Variants in ASCC2 observed in about 807,000 individuals in gnomAD.
ASCC2 encodes the protein ASC-1 complex subunit P100.
A neutral mutation model predicts 93.5 loss-of-function variants in ASCC2; 42 were observed. The ratio of observed to expected loss-of-function variants is 0.45; its 90% CI spans 0.35 to 0.58. The LOEUF (loss-of-function observed/expected upper bound fraction) is 0.58. ASCC2 is among the 20% of genes least tolerant of loss of function. The pLI is 0.00. For synonymous variants in ASCC2, 364 were observed against 384.2 expected (o/e 0.95, Z 0.62); for missense variants, 859 against 977.6 (o/e 0.88, Z 1.62).
At chr22:29,827,178 T>G (rs1488013340) in intron 2 of ASCC2, among the ~76,000 whole-genome samples, 1 of 152,054 alleles carries the variant, frequency 6.6e-6, no homozygotes, top group African/African-American at 2.4e-5. Flanking sequence ...TGTTTTTTAT[T>G]TTTTTGTAAG....
At chr22:29,814,633 G>C in intron 7 of ASCC2, 24 bp downstream of exon 7, 1 of 1,566,316 alleles carries the variant, frequency 6.4e-7, no homozygotes, top group Non-Finnish European at 8.7e-7. Flanking sequence ...GCAGGAAAGA[G>C]ACTGGGCCGA....
chr22:29,795,268 G>T (rs578108861), intron 15 of ASCC2, among the ~76,000 whole-genome samples: 28 of 152,064 alleles, frequency 1.8e-4, no homozygotes, highest in Middle Eastern at 3.4e-3. Context: ...TCACTATATT[G>T]CCCAGGCTGG....
At chr22:29,819,618 C>T (rs1010934445) in intron 5 of ASCC2, among the ~76,000 whole-genome samples, 7 of 152,218 alleles carry the variant, frequency 4.6e-5, no homozygotes, top group Admixed American at 3.3e-4. Flanking sequence ...TTAGGCAGTT[C>T]GATTTCAAAG....
chr22:29,795,308 T>C (rs2058296675), intron 15 of ASCC2, among the ~76,000 whole-genome samples: 1 of 152,176 alleles, frequency 6.6e-6, no homozygotes, highest in South Asian at 2.1e-4. Context: ...AGTGATCCTC[T>C]GCTTCAGCCT....
Position 29,789,002 on chromosome 22 carries a change from T to G in ASCC2, c.*11A>C. ...GGTGCCGCTGCCTCCCCACTGGCCC[T>G]GCACCAGGTCTCAGGATGGGATCAT... On this transcript the variant is annotated 3_prime_UTR_variant, in exon 20 of 20. Coordinates refer to ENST00000307790, the MANE Select transcript of ASCC2 (RefSeq NM_032204.5). 8 of 1,614,124 alleles carry G rather than the reference T, an allele frequency of 5.0e-6. No individual in the cohort carries two copies. Among genetic ancestry groups the G allele is most frequent in the Non-Finnish European group, 6.8e-6 (8 of 1,179,966 alleles).
At position 29,825,322 on chromosome 22, in the gene ASCC2, T is replaced by C. The variant is rs1344462218; in HGVS notation, c.241-65A>G. 1.3e-6 allele frequency: 2 copies of C among 1,482,600 alleles called. No individual in the cohort carries two copies. The highest frequency in any genetic ancestry group is 1.8e-6 in the Non-Finnish European group (2 of 1,106,234). 91.8% of individuals were successfully genotyped at this position (1,482,600 alleles called of 1,614,324 possible). A position where few individuals can be genotyped will look rare whatever the true frequency, so the allele number is the denominator to read the frequency against. On this transcript the variant is annotated intron_variant, in intron 3 of 19. Coordinates refer to ENST00000307790, the MANE Select transcript of ASCC2 (RefSeq NM_032204.5). The surrounding 1 kb of genome is among the most constrained non-coding windows in gnomAD (Gnocchi z 4.9). Reference sequence around the variant, plus strand: ...AGGCCCCAGGGGCTTGTGGGTGGACTGTGCAGGGACTCAATGCCCATCAGC... The same window carrying C: ...AGGCCCCAGGGGCTTGTGGGTGGACCGTGCAGGGACTCAATGCCCATCAGC...
At position 29,800,975 on chromosome 22, in the gene ASCC2, G is replaced by C; in HGVS notation, c.1688+16C>G. ...CAGAGTTGGGGTATCGGAACCCCATGGCCCACTGCACTCACCTCTTGCCCT... is the reference window on the plus strand; with the variant it reads ...CAGAGTTGGGGTATCGGAACCCCATCGCCCACTGCACTCACCTCTTGCCCT... On this transcript the variant is annotated intron_variant, in intron 15 of 19. Coordinates refer to ENST00000307790, the MANE Select transcript of ASCC2 (RefSeq NM_032204.5). The C allele has an allele frequency of 6.4e-7, 1 of 1,569,286 alleles. No homozygotes were observed. The highest frequency in any genetic ancestry group is 8.7e-7 in the Non-Finnish European group (1 of 1,148,514).
chr22:29,820,265 C>T (rs377580714), intron 5 of ASCC2, among the ~76,000 whole-genome samples: 2 of 152,018 alleles, frequency 1.3e-5, no homozygotes, highest in Non-Finnish European at 2.9e-5. Context: ...TGGGTTAACA[C>T]GATTCTCCTC....
chr22:29,798,659 G>A (rs1002131965), intron 15 of ASCC2, among the ~76,000 whole-genome samples: 3 of 152,198 alleles, frequency 2.0e-5, no homozygotes, highest in African/African-American at 4.8e-5. Flanking sequence ...ACCATCTGCA[G>A]CGTCCTACCT....
chr22:29,833,447 G>C (rs1343205556), intron 1 of ASCC2: 2 of 372,098 alleles, frequency 5.4e-6, no homozygotes. Context: ...TGGAAGAAGG[G>C]AAGAAGGACG....
At chr22:29,837,183 C>T (rs2063906823) in intron 1 of ASCC2, among the ~76,000 whole-genome samples, 1 of 151,746 alleles carries the variant, frequency 6.6e-6, no homozygotes, top group Non-Finnish European at 1.5e-5. Context: ...GTAATCCCAG[C>T]GCTTTGGGAG....
chr22:29,822,587 C>A, intron 4 of ASCC2, 123 bp from the exon 5 acceptor site: 1 of 1,122,706 alleles, frequency 8.9e-7, no homozygotes, highest in Non-Finnish European at 1.3e-6. Flanking sequence ...ATGCCTTATG[C>A]ATAGACCTGG....
chr22:29,834,714 C>T (rs1182848715), intron 1 of ASCC2, among the ~76,000 whole-genome samples: 1 of 152,152 alleles, frequency 6.6e-6, no homozygotes, highest in Admixed American at 6.6e-5. Context: ...ACAAGGATTA[C>T]CATGTTCAGA....
chr22:29,791,723 A>C (rs761636498), intron 18 of ASCC2, among the ~76,000 whole-genome samples: 2 of 152,082 alleles, frequency 1.3e-5, no homozygotes, highest in Non-Finnish European at 2.9e-5. Context: ...CACACACACA[A>C]AACTGGTAGG....
intron 2 of ASCC2, among the ~76,000 whole-genome samples, chr22:29,829,655 C>T (rs1423384725): frequency 2.0e-5 from 3 of 151,342 alleles, no homozygotes; most frequent in Non-Finnish European, 2.9e-5. Context: ...GCCGAGATCG[C>T]GCCACTGCAC....
intron 15 of ASCC2, among the ~76,000 whole-genome samples, chr22:29,800,071 C>T (rs1411105834): frequency 6.6e-6 from 1 of 152,232 alleles, no homozygotes; most frequent in Non-Finnish European, 1.5e-5. Flanking sequence ...TAGGCATGAG[C>T]CGCTGCACCC....
chr22:29,793,506 C>T lies in ASCC2; in HGVS notation c.1789-16G>A, dbSNP rs1198221062. 1 of 1,614,150 alleles carries T rather than the reference C, an allele frequency of 6.2e-7. No homozygotes were observed. The highest frequency in any genetic ancestry group is 8.5e-7 in the Non-Finnish European group (1 of 1,180,046). On this transcript the variant is annotated splice_polypyrimidine_tract_variant and intron_variant, in intron 16 of 19. Transcript: ENST00000307790. ...GCAGTGGCACCTGCAATGGCATAAG[C>T]ATGGGTCTGGGGGGCTCAGGGGCTG...
Position 29,804,722 on chromosome 22 carries a change from A to G in ASCC2, c.1269T>C (p.Pro423=). 3 of 1,613,862 alleles carry G rather than the reference A, an allele frequency of 1.9e-6. No individual in the cohort carries two copies. Among genetic ancestry groups the G allele is most frequent in the Non-Finnish European group, 2.5e-6 (3 of 1,179,946 alleles). ...DAKDPSVIEE[P]NGEPNGVTVT... ...CCGTGACCCCGTTAGGCTCCCCATT[A>G]GGCTCCTCAATCACCGATGGGTCTT... is the stretch of plus-strand genomic sequence containing the variant. Residue 423 remains proline (P), a synonymous_variant, in exon 13 of 20, where the codon CCT becomes CCC. Transcript: ENST00000307790.
At chr22:29,824,945 C>T in intron 4 of ASCC2, 142 bp downstream of exon 4, 1 of 849,072 alleles carries the variant, frequency 1.2e-6, no homozygotes, top group Non-Finnish European at 1.7e-6. Flanking sequence ...GCACAGATTT[C>T]TTCCCCAACA....
Sources: allele counts gnomAD v4.1 joint callset (sites outside exome capture counted in the v4.1 genomes callset), GRCh38; gene constraint gnomAD v4.1.1; non-coding constraint Gnocchi (gnomAD v3.1); transcripts MANE v1.5; gene names NCBI Gene and HGNC (gene_info 2026-07-23, HGNC 2026-07-21).